TUBG2: variants seen among roughly 807,000 people sequenced by gnomAD.
TUBG2 encodes the protein tubulin gamma-2 chain.
In TUBG2, 39 loss-of-function variants were observed where a neutral mutation model predicts 55.1. The observed-to-expected ratio is 0.71, with a 90% CI of 0.55 to 0.93. The LOEUF (loss-of-function observed/expected upper bound fraction) is 0.93, where lower values mean the gene tolerates loss of function less well. TUBG2 is among the 40% of genes least tolerant of loss of function. The pLI is 0.00. For synonymous variants in TUBG2, 223 were observed against 241.0 expected (o/e 0.93, Z 0.69); for missense variants, 358 against 599.1 (o/e 0.60, Z 4.20).
At chr17:42,664,701 G>A (rs572059408) in intron 6 of TUBG2, among the ~76,000 whole-genome samples, 4 of 151,874 alleles carry the variant, frequency 2.6e-5, no homozygotes, top group African/African-American at 7.2e-5. Context: ...GAAAGACGGT[G>A]CCTGTTCCTC....
At chr17:42,662,926 G>C in intron 4 of TUBG2, 47 bp from the exon 5 acceptor site, 1 of 1,583,960 alleles carries the variant, frequency 6.3e-7, no homozygotes. Flanking sequence ...TGTGTTGTGA[G>C]AGTGTGGCAG....
intron 4 of TUBG2, among the ~76,000 whole-genome samples, chr17:42,662,275 G>A (rs146765674): frequency 6.6e-6 from 1 of 152,272 alleles, no homozygotes; most frequent in East Asian, 1.9e-4. Context: ...CTGCACTGCA[G>A]TCTGGGGGAC....
In TUBG2 at chr17:42,666,938, C is replaced by G. The variant is rs1218471609; in HGVS notation, c.*138C>G. 4 of 804,886 alleles carry G rather than the reference C, an allele frequency of 5.0e-6. No homozygotes were observed. The African/African-American group carries it at 6.9e-5, about 14-fold the overall frequency. The allele number at this position is 804,886 out of a possible 1,614,324, so 49.9% of individuals were successfully genotyped here. On this transcript the variant is annotated 3_prime_UTR_variant, in exon 11 of 11. Coordinates refer to ENST00000251412, the MANE Select transcript of TUBG2 (RefSeq NM_016437.3). Reference sequence around the variant, plus strand: ...CCCGTGAGCTGGTCCTGCTTCCTCCCTTCCATGCCCTAACTTTTAATATGC... The same window carrying G: ...CCCGTGAGCTGGTCCTGCTTCCTCCGTTCCATGCCCTAACTTTTAATATGC...
intron 4 of TUBG2, among the ~76,000 whole-genome samples, chr17:42,662,766 AAC>A (rs1388853448): frequency 3.3e-5 from 5 of 152,310 alleles, no homozygotes; most frequent in Non-Finnish European, 5.9e-5. Context: ...ATAAAGCCAA[AAC>A]ATCTTAAATT....
chr17:42,664,522 T>C (rs1167090550), intron 6 of TUBG2, among the ~76,000 whole-genome samples: 1 of 152,128 alleles, frequency 6.6e-6, no homozygotes, highest in Non-Finnish European at 1.5e-5. Flanking sequence ...GCCTACTTAA[T>C]GCCCACTCAT....
intron 5 of TUBG2, 114 bp downstream of exon 5, chr17:42,663,166 C>A: frequency 1.5e-6 from 2 of 1,310,736 alleles, no homozygotes; most frequent in South Asian, 2.7e-5. Context: ...TAGGGACAGA[C>A]CCACCCAAGG....
chr17:42,659,407 C>T lies in TUBG2; in HGVS notation c.-97C>T. The T allele has an allele frequency of 1.5e-6, 2 of 1,298,094 alleles. No individual in the cohort carries two copies. The highest frequency in any genetic ancestry group is 2.1e-6 in the Non-Finnish European group (2 of 955,436). The allele number at this position is 1,298,094 out of a possible 1,614,324, so 80.4% of individuals were successfully genotyped here. A position where few individuals can be genotyped will look rare whatever the true frequency, so the allele number is the denominator to read the frequency against. On this transcript the variant is annotated 5_prime_UTR_variant, in exon 1 of 11. Coordinates refer to ENST00000251412, the MANE Select transcript of TUBG2 (RefSeq NM_016437.3). ...CATCCGCGTCAAGAGGCGAAGAGAG[C>T]GCGCGCTCCCCACGTCCTGCGCTCC...
In TUBG2 at chr17:42,665,818, A is replaced by G. The variant is rs746460124; in HGVS notation, c.834A>G (p.Thr278=). The change falls in exon 8 of 11, where the codon ACA becomes ACG. Residue 278 remains threonine, a synonymous_variant. Coordinates refer to ENST00000251412, the MANE Select transcript of TUBG2 (RefSeq NM_016437.3). ...TGACCGGCTACACCCCGCTCACTAC[A>G]GACCAGTCAGTAAGAGCAGCCTTCA... ...FLMTGYTPLT[T]DQSVASVRKT... is the part of the protein sequence containing the mutation. The G allele has an allele frequency of 5.0e-6, 8 of 1,614,146 alleles. No individual in the cohort carries two copies. The highest frequency in any genetic ancestry group is 2.2e-5 in the South Asian group (2 of 91,082).
rs771432590 is a variant in TUBG2 at position 42,659,825 on chromosome 17, C to A, written c.50-9C>A. 6.2e-7 allele frequency: 1 copy of A among 1,614,080 alleles called. No homozygotes were observed. The highest frequency in any genetic ancestry group is 8.5e-7 in the Non-Finnish European group (1 of 1,180,022). ...TCCAGCAGACCCGGGCATCTCCCCC[C>A]TCCCCCAGTTGGGTTCGAGTTCTGG... On this transcript the variant is annotated splice_polypyrimidine_tract_variant and intron_variant, in intron 1 of 10. Coordinates refer to ENST00000251412, the MANE Select transcript of TUBG2 (RefSeq NM_016437.3).
chr17:42,666,082 A>G lies in TUBG2; in HGVS notation c.844-5A>G. 1 of 1,613,946 alleles carries G rather than the reference A, an allele frequency of 6.2e-7. No individual in the cohort carries two copies. Among genetic ancestry groups the G allele is most frequent in the Non-Finnish European group, 8.5e-7 (1 of 1,179,860 alleles). On this transcript the variant is annotated splice_region_variant and splice_polypyrimidine_tract_variant and intron_variant, in intron 8 of 10. Transcript: ENST00000251412. ...GGCCGGGTCCCTGTCTCACTGTCCC[A>G]TCAGGTGGCCAGCGTGAGGAAGACC...
intron 5 of TUBG2, 90 bp from the exon 6 acceptor site, chr17:42,663,287 G>C (rs1421686579): frequency 1.9e-6 from 3 of 1,572,720 alleles, no homozygotes; most frequent in African/African-American, 1.4e-5. Flanking sequence ...ACTCAGTTCT[G>C]CCCTCACCCC....
Position 42,663,513 on chromosome 17 carries a change from G to GA in TUBG2, c.606+13dup. 1 of 1,612,794 alleles carries GA rather than the reference G, an allele frequency of 6.2e-7. No individual in the cohort carries two copies. Among genetic ancestry groups the GA allele is most frequent in the East Asian group, 2.2e-5 (1 of 44,860 alleles). The stretch of plus-strand genomic sequence containing the variant: ...GAACGCAGATTGTGTGGTGAGCAAA[G>GA]AAAGAGTTGAGGGGCTGGGTGTGGT... On this transcript the variant is annotated intron_variant, in intron 6 of 10. Transcript: ENST00000251412.
chr17:42,665,248 C>T (rs899616172), intron 6 of TUBG2, among the ~76,000 whole-genome samples: 29 of 151,936 alleles, frequency 1.9e-4, no homozygotes, highest in African/African-American at 5.1e-4. Flanking sequence ...GGGGTTTCAC[C>T]GTGTTAGCCA....
chr17:42,664,167 A>G (rs980216236), intron 6 of TUBG2, among the ~76,000 whole-genome samples: 1 of 151,542 alleles, frequency 6.6e-6, no homozygotes, highest in African/African-American at 2.4e-5. Context: ...TACTAGCTAC[A>G]TGGGAGGCTG....
At chr17:42,660,455 G>A in intron 3 of TUBG2, 139 bp downstream of exon 3, 1 of 1,454,784 alleles carries the variant, frequency 6.9e-7, no homozygotes, top group Non-Finnish European at 9.4e-7. Flanking sequence ...GCCAGGGAGA[G>A]GTTTATGCAA....
At chr17:42,660,069 C>T (rs925855654) in intron 2 of TUBG2, 80 bp from the exon 3 acceptor site, 305 of 1,317,690 alleles carry the variant, frequency 2.3e-4, no homozygotes, top group Non-Finnish European at 3.0e-4. Flanking sequence ...GAGGGAGGGC[C>T]GGAGGGAGCC....
In TUBG2 at chr17:42,663,488, GA is replaced by G. The variant is rs761068502; in HGVS notation, c.593del (p.Asn198ThrfsTer13). The G allele has an allele frequency of 1.2e-6, 2 of 1,614,058 alleles. No homozygotes were observed. Among genetic ancestry groups the G allele is most frequent in the South Asian group, 1.1e-5 (1 of 91,084 alleles). ...TCCTGACACTCAAGAGGCTGACGCA[GA>G]ACGCAGATTGTGTGGTGAGCAAAGA... ...SLLTLKRLTQ[N>X]ADCVVVLDNT... On this transcript the variant is annotated frameshift_variant, in exon 6 of 11. Transcript: ENST00000251412. LOFTEE classifies it high-confidence loss of function.
chr17:42,666,054 G>A (rs772199928), intron 8 of TUBG2, 33 bp from the exon 9 acceptor site: 18 of 1,613,544 alleles, frequency 1.1e-5, no homozygotes, highest in Admixed American at 1.7e-5. Flanking sequence ...TGCCCTGAGC[G>A]CTGGCCGGGT....
At chr17:42,660,773 G>T in intron 4 of TUBG2, 66 bp downstream of exon 4, 1 of 1,459,842 alleles carries the variant, frequency 6.9e-7, no homozygotes, top group Admixed American at 1.9e-5. Context: ...CAGGTCAGGA[G>T]GTGGCCTGGA....
Sources: gnomAD v4.1 joint callset for allele counts (sites outside exome capture counted in the v4.1 genomes callset) on GRCh38, gnomAD v4.1.1 for gene constraint, MANE v1.5 for transcripts, NCBI Gene and HGNC (gene_info 2026-07-23, HGNC 2026-07-21) for gene names.